The following NKAIN3 variants were observed in gnomAD, a reference collection of about 807,000 sequenced individuals.
NKAIN3 encodes the protein sodium/potassium transporting ATPase interacting 3.
A neutral mutation model predicts 30.2 loss-of-function variants in NKAIN3; 25 were observed. The observed-to-expected ratio is 0.83, with a 90% CI of 0.60 to 1.16. The LOEUF is 1.16. Ranked by LOEUF, NKAIN3 falls within the 50% of genes most tolerant of loss-of-function variation. The pLI, the probability that NKAIN3 is intolerant of heterozygous loss-of-function variation, is 0.00. For missense variants in NKAIN3, 225 were observed against 254.1 expected, an observed-to-expected ratio of 0.89 and a Z score of 0.78; for synonymous variants, 91 against 89.6, an observed-to-expected ratio of 1.02 and a Z score of -0.09.
At chr8:62,653,948 C>T (rs1369706484) in intron 3 of NKAIN3, among the ~76,000 whole-genome samples, 1 of 151,926 alleles carries the variant, frequency 6.6e-6, no homozygotes, top group Non-Finnish European at 1.5e-5. Flanking sequence ...GGTTTTAATC[C>T]CTCATCTTTA....
chr8:62,485,619 C>T (rs1020897420), intron 1 of NKAIN3, among the ~76,000 whole-genome samples: 1 of 152,166 alleles, frequency 6.6e-6, no homozygotes, highest in Non-Finnish European at 1.5e-5. Context: ...CAACTGAATG[C>T]AACACAACTT....
intron 4 of NKAIN3, among the ~76,000 whole-genome samples, chr8:62,820,153 T>C (rs145916178): frequency 1.8e-3 from 279 of 152,198 alleles, no homozygotes; most frequent in South Asian, 4.4e-3. Context: ...TTAATCCCTA[T>C]AGGCAAGAGA....
At chr8:62,345,390 CACACATATACACATATATGTATATAT>C (rs1563942396) in intron 1 of NKAIN3, among the ~76,000 whole-genome samples, 211 of 14,794 alleles carry the variant, frequency 0.014, no homozygotes, top group African/African-American at 0.025. Context: ...TGTATATATA[CACACATATACACATATATGTATATAT>C]ACACATATAT....
intron 3 of NKAIN3, among the ~76,000 whole-genome samples, chr8:62,709,946 T>C (rs1814662255): frequency 6.6e-6 from 1 of 152,050 alleles, no homozygotes. Context: ...GTTGGAAGAA[T>C]TTTTACATTT....
At chr8:62,484,513 G>C (rs77118583) in intron 1 of NKAIN3, among the ~76,000 whole-genome samples, 4,963 of 152,250 alleles carry the variant, frequency 0.033, 309 homozygotes, top group African/African-American at 0.11. Flanking sequence ...AATAGAGAGG[G>C]AGCATTGCAT....
At position 62,263,244 on chromosome 8, in the gene NKAIN3, T is replaced by C. The variant is rs138688379; in HGVS notation, c.54+14117T>C. On this transcript the variant is annotated intron_variant, in intron 1 of 6. Transcript: ENST00000623646. ...TTTCCAAAATCCTGGTTAATTTTCA[T>C]TCTACCAAATAGAGGTTTAAAATGC... 1.7e-3 allele frequency among the ~76,000 whole-genome samples: 266 copies of C among 152,334 alleles called. 2 individuals carry two copies. Among genetic ancestry groups the C allele is most frequent in the Admixed American group, 8.4e-3 (129 of 15,292 alleles).
chr8:62,759,262 G>A (rs187937837), intron 4 of NKAIN3, among the ~76,000 whole-genome samples: 1 of 152,056 alleles, frequency 6.6e-6, no homozygotes, highest in African/African-American at 2.4e-5. Context: ...CTAAATAAAG[G>A]ATTAGTCTTG....
chr8:62,378,111 G>T (rs1817152419), intron 1 of NKAIN3, among the ~76,000 whole-genome samples: 1 of 152,192 alleles, frequency 6.6e-6, no homozygotes, highest in Non-Finnish European at 1.5e-5. Context: ...ATGAAGTCCA[G>T]GCTGAGGTGG....
chr8:62,640,387 G>A (rs977509449), intron 3 of NKAIN3, among the ~76,000 whole-genome samples: 3 of 152,138 alleles, frequency 2.0e-5, no homozygotes, highest in Admixed American at 2.0e-4. Context: ...CATGTAAGAC[G>A]TGTGTCTTCC....
At chr8:62,530,489 T>C (rs1808454300) in intron 1 of NKAIN3, among the ~76,000 whole-genome samples, 1 of 152,128 alleles carries the variant, frequency 6.6e-6, no homozygotes, top group African/African-American at 2.4e-5. Context: ...GGGATTACTT[T>C]TGAAAGCAAC....
intron 4 of NKAIN3, among the ~76,000 whole-genome samples, chr8:62,769,920 G>A (rs2130633744): frequency 1.3e-5 from 2 of 152,236 alleles, no homozygotes; most frequent in Middle Eastern, 3.4e-3. Flanking sequence ...CTCTATTGGT[G>A]GATGGAACCT....
intron 2 of NKAIN3, among the ~76,000 whole-genome samples, chr8:62,581,109 AT>A (rs1395129682): frequency 7.3e-6 from 1 of 136,932 alleles, no homozygotes; most frequent in African/African-American, 2.7e-5. Context: ...TCTCAAAAAA[AT>A]ATAAAATAAA....
intron 3 of NKAIN3, among the ~76,000 whole-genome samples, chr8:62,664,479 C>T (rs771319186): frequency 2.0e-5 from 3 of 152,060 alleles, no homozygotes; most frequent in Non-Finnish European, 4.4e-5. Flanking sequence ...GTACAATAAT[C>T]AATTATCTGT....
chr8:62,559,849 G>T (rs1244549032), intron 1 of NKAIN3, among the ~76,000 whole-genome samples: 1 of 152,060 alleles, frequency 6.6e-6, no homozygotes, highest in African/African-American at 2.4e-5. Flanking sequence ...ACCCATATCT[G>T]TAATTCTTTC....
chr8:62,575,812 A>G (rs1032735032), intron 1 of NKAIN3, among the ~76,000 whole-genome samples: 22 of 152,160 alleles, frequency 1.4e-4, no homozygotes, highest in African/African-American at 3.1e-4. Context: ...ATAAACTTAT[A>G]TATCTAAAGT....
At chr8:62,372,988 A>G (rs953111089) in intron 1 of NKAIN3, among the ~76,000 whole-genome samples, 2 of 152,162 alleles carry the variant, frequency 1.3e-5, no homozygotes, top group Non-Finnish European at 2.9e-5. Flanking sequence ...AACTTTGCAA[A>G]ACACTTTTAA....
At chr8:62,862,460 C>T (rs1033360261) in intron 4 of NKAIN3, among the ~76,000 whole-genome samples, 3 of 151,884 alleles carry the variant, frequency 2.0e-5, no homozygotes, top group Non-Finnish European at 2.9e-5. Context: ...TTGAAAAGAG[C>T]ATCATATATT....
rs559929783 is a variant in NKAIN3, at chr8:62,953,989, T to C, written c.603+17T>C. 1.1e-6 allele frequency: 1 copy of C among 918,548 alleles called. No homozygotes were observed. Among genetic ancestry groups the C allele is most frequent in the East Asian group, 1.2e-4 (1 of 8,494 alleles). The allele number at this position is 918,548 out of a possible 1,614,324, so 56.9% of individuals were successfully genotyped here. ...GTTAAACCAGTAAGTAAAGGTGTGA[T>C]GATATGGAAAATATTAATCCTTCTA... On this transcript the variant is annotated intron_variant, in intron 6 of 6. Transcript: ENST00000623646.
chr8:62,560,561 C>T (rs1487256392), intron 1 of NKAIN3, among the ~76,000 whole-genome samples: 9 of 59,028 alleles, frequency 1.5e-4, no homozygotes, highest in South Asian at 1.1e-3. Context: ...TTTTTTGAGA[C>T]GAAGTTTCTC....
Sources: gnomAD v4.1 joint callset for allele counts (sites outside exome capture counted in the v4.1 genomes callset) on GRCh38, gnomAD v4.1.1 for gene constraint, MANE v1.5 for transcripts, NCBI Gene and HGNC (gene_info 2026-07-23, HGNC 2026-07-21) for gene names.